Variants in TSPEAR observed in about 807,000 individuals in gnomAD.
TSPEAR encodes thrombospondin type laminin G domain and EAR repeats.
TSPEAR carries 69 observed loss-of-function variants against 71.6 expected under a neutral mutation model. The ratio of observed to expected loss-of-function variants is 0.96; its 90% CI spans 0.79 to 1.18. The LOEUF is 1.18. Ranked by LOEUF, TSPEAR falls within the 50% of genes most tolerant of loss-of-function variation. TSPEAR has a pLI of 0.00. For missense variants in TSPEAR, 971 were observed against 894.9 expected (o/e 1.09, Z -1.09); for synonymous variants, 402 against 387.2 (o/e 1.04, Z -0.45).
chr21:44,617,187 C>G (rs1555932643), intron 1 of TSPEAR, among the ~76,000 whole-genome samples: 1 of 152,254 alleles, frequency 6.6e-6, no homozygotes, highest in East Asian at 1.9e-4. Context: ...TGACTCCTGG[C>G]AGGTGGCAGA....
At chr21:44,657,751 C>T (rs1192674233) in intron 1 of TSPEAR, among the ~76,000 whole-genome samples, 1 of 152,174 alleles carries the variant, frequency 6.6e-6, no homozygotes, top group East Asian at 1.9e-4. Flanking sequence ...ATCCTGTTTA[C>T]AGAAGAAACT....
intron 2 of TSPEAR, among the ~76,000 whole-genome samples, chr21:44,548,485 G>T (rs781910249): frequency 9.2e-5 from 14 of 152,202 alleles, no homozygotes; most frequent in Admixed American, 2.0e-4. Flanking sequence ...AAGGTCTTGG[G>T]GAAGTGATGG....
chr21:44,658,677 T>C (rs1450116857), intron 1 of TSPEAR, among the ~76,000 whole-genome samples: 1 of 151,494 alleles, frequency 6.6e-6, no homozygotes, highest in Non-Finnish European at 1.5e-5. Context: ...GTTGGGGGAG[T>C]GGCCTGAAGG....
chr21:44,654,582 T>G, intron 1 of TSPEAR: 1 of 1,597,232 alleles, frequency 6.3e-7, no homozygotes, highest in Non-Finnish European at 8.5e-7. Context: ...GGCAGGCCAT[T>G]GGGCAGCCCG....
At chr21:44,563,379 C>A (rs1432010182) in intron 2 of TSPEAR, among the ~76,000 whole-genome samples, 1 of 152,096 alleles carries the variant, frequency 6.6e-6, no homozygotes, top group African/African-American at 2.4e-5. Flanking sequence ...TAGGAGCAAT[C>A]TTTTTGTATC....
Position 44,535,621 on chromosome 21 carries a change from C to T in TSPEAR, c.304-1698G>A, listed in dbSNP as rs1417655158. Among the ~76,000 whole-genome samples, 4 of 152,184 alleles carry T rather than the reference C, an allele frequency of 2.6e-5. No homozygotes were observed. The East Asian group carries it at 5.8e-4, about 22-fold the overall frequency. ...ACTGCCTGCAGTATTCCCACAGTAG[C>T]GTGCTGGAAGTAGCTGCTCACTGCA... On this transcript the variant is annotated intron_variant, in intron 2 of 11. Transcript: ENST00000323084.
At chr21:44,531,242 T>C in intron 3 of TSPEAR, 109 bp from the exon 4 acceptor site, 1 of 814,706 alleles carries the variant, frequency 1.2e-6, no homozygotes, top group Non-Finnish European at 2.0e-6. Context: ...ATCTGTGCTG[T>C]GGCTGCCACA....
At chr21:44,627,367 CCCTGCCAATCAGGCTGCACCAGCT>C (rs1982891218) in intron 1 of TSPEAR, 1 of 1,613,548 alleles carries the variant, frequency 6.2e-7, no homozygotes, top group Non-Finnish European at 8.5e-7. Context: ...TGAGCCCAGC[CCCTGCCAATCAGGCTGCACCAGCT>C]CCTGCACGCC....
chr21:44,500,457 G>A (rs1228837282), intron 11 of TSPEAR, among the ~76,000 whole-genome samples: 1 of 152,248 alleles, frequency 6.6e-6, no homozygotes, highest in East Asian at 1.9e-4. Flanking sequence ...TTTATCCCAG[G>A]AGCTTCCATT....
chr21:44,577,739 A>G (rs1978555722), intron 1 of TSPEAR, among the ~76,000 whole-genome samples: 2 of 152,258 alleles, frequency 1.3e-5, no homozygotes, highest in South Asian at 2.1e-4. Flanking sequence ...ACAGGGAAAT[A>G]AATAAAACCA....
intron 9 of TSPEAR, among the ~76,000 whole-genome samples, chr21:44,510,458 G>C (rs1279466270): frequency 2.0e-5 from 3 of 152,226 alleles, no homozygotes; most frequent in Admixed American, 6.5e-5. Flanking sequence ...AAATCGACCA[G>C]CAAGGGCCCG....
chr21:44,614,435 C>A (rs1253838305), intron 1 of TSPEAR, among the ~76,000 whole-genome samples: 1 of 152,228 alleles, frequency 6.6e-6, no homozygotes, highest in Non-Finnish European at 1.5e-5. Context: ...CCCTTGCAGA[C>A]AGGGAGTCCA....
intron 2 of TSPEAR, chr21:44,551,323 C>T: frequency 1.2e-6 from 2 of 1,613,240 alleles, no homozygotes; most frequent in South Asian, 2.2e-5. Flanking sequence ...GGGGTGCAGA[C>T]CAGGGTCAGG....
intron 1 of TSPEAR, chr21:44,579,702 G>A (rs1324998426): frequency 1.3e-6 from 2 of 1,566,054 alleles, no homozygotes; most frequent in East Asian, 2.2e-5. Flanking sequence ...CCCGAGTCAG[G>A]ACCAGTTGGC....
intron 1 of TSPEAR, chr21:44,627,941 G>A (rs782653080): frequency 1.4e-5 from 21 of 1,518,448 alleles, no homozygotes; most frequent in East Asian, 2.4e-5. Context: ...ACCTCCTCCC[G>A]CCAGCCCAGC....
chr21:44,676,501 C>G (rs932328619), intron 1 of TSPEAR: 1 of 808,214 alleles, frequency 1.2e-6, no homozygotes. Context: ...TTCGATTCCT[C>G]TGAGTCTGGC....
intron 11 of TSPEAR, among the ~76,000 whole-genome samples, chr21:44,501,088 A>G (rs1168920950): frequency 6.6e-6 from 1 of 152,258 alleles, no homozygotes; most frequent in African/African-American, 2.4e-5. Flanking sequence ...TCCAGATTAC[A>G]TGAAGCTAAT....
chr21:44,637,668 G>A lies in TSPEAR; in HGVS notation c.83-69663C>T, dbSNP rs782614445. 2.6e-6 allele frequency: 4 copies of A among 1,541,204 alleles called. No individual in the cohort carries two copies. In the East Asian group the frequency reaches 6.9e-5, roughly 27 times the overall value. ...CAGCAGTCTAGCTGCCAGCCGGATT[G>A]CTGCACCTCCTCCCCCTGCCAGCAG... On this transcript the variant is annotated intron_variant, in intron 1 of 11. Transcript: ENST00000323084.
At chr21:44,649,614 T>C (rs1173699493) in intron 1 of TSPEAR, among the ~76,000 whole-genome samples, 2 of 152,092 alleles carry the variant, frequency 1.3e-5, no homozygotes, top group Non-Finnish European at 2.9e-5. Flanking sequence ...GGGGCAGCCC[T>C]CGGTTTTGGG....
Sources: allele counts gnomAD v4.1 joint callset (sites outside exome capture counted in the v4.1 genomes callset), GRCh38; gene constraint gnomAD v4.1.1; transcripts MANE v1.5; gene names NCBI Gene and HGNC (gene_info 2026-07-23, HGNC 2026-07-21).